The following ITIH5 variants were observed in gnomAD, a reference collection of about 807,000 sequenced individuals.
ITIH5 encodes the protein inter-alpha-trypsin inhibitor heavy chain 5.
Under a neutral mutation model 77.5 loss-of-function variants are expected in ITIH5, and 65 were observed. That is an observed-to-expected ratio of 0.84 (90% CI 0.69 to 1.03). The LOEUF (loss-of-function observed/expected upper bound fraction) is 1.03, where lower values mean the gene tolerates loss of function less well. ITIH5 is among the 50% of genes least tolerant of loss of function. The probability of loss-of-function intolerance (pLI) is 0.00; values close to 1 mark genes in which losing one functional copy is unlikely to be tolerated. For missense variants in ITIH5, 1,208 were observed against 1,213.1 expected, an observed-to-expected ratio of 1.00 and a Z score of 0.06; for synonymous variants, 525 against 494.3, an observed-to-expected ratio of 1.06 and a Z score of -0.82.
intron 13 of ITIH5, among the ~76,000 whole-genome samples, chr10:7,564,961 A>T (rs934032825): frequency 7.1e-6 from 1 of 140,800 alleles, no homozygotes; most frequent in Non-Finnish European, 1.5e-5. Context: ...GACTGTATAC[A>T]TACATATACA....
chr10:7,582,107 C>T lies in ITIH5; in HGVS notation c.1109-2043G>A, dbSNP rs371930465. ...GGCCAGGCTGGTCTTGATTTCCTGA[C>T]CTTGTGATCTGCCCGCCTCGGCCTC... On this transcript the variant is annotated intron_variant, in intron 8 of 13. Transcript: ENST00000397146. Among the ~76,000 whole-genome samples the T allele has an allele frequency of 4.6e-5, 7 of 152,110 alleles. No homozygotes were observed. The East Asian group carries it at 9.6e-4, about 21-fold the overall frequency.
In ITIH5 at chr10:7,569,534, C is replaced by T. The variant is rs116059372; in HGVS notation, c.2149+134G>A. The T allele has an allele frequency of 1.2e-3, 707 of 573,676 alleles. 5 individuals carry two copies. Among genetic ancestry groups the T allele is most frequent in the African/African-American group, 0.011 (566 of 53,608 alleles). The allele number at this position is 573,676 out of a possible 1,614,324, so 35.5% of individuals were successfully genotyped here. The stretch of plus-strand genomic sequence containing the variant: ...AAGTCCAGGAGCGCAGTGCGCTTCC[C>T]TTAACCACTGACGATACTCACTGAG... On this transcript the variant is annotated intron_variant, in intron 12 of 13. Coordinates refer to ENST00000397146, the MANE Select transcript of ITIH5 (RefSeq NM_030569.7).
At chr10:7,649,740 T>G (rs1332278425) in intron 2 of ITIH5, among the ~76,000 whole-genome samples, 1 of 152,098 alleles carries the variant, frequency 6.6e-6, no homozygotes, top group Non-Finnish European at 1.5e-5. Flanking sequence ...CCCAGATCAA[T>G]GACTAGAAAA....
Position 7,561,111 on chromosome 10 carries a change from T to C in ITIH5, c.*1972A>G, listed in dbSNP as rs147690462. The C allele has an allele frequency of 1.6e-3, 243 of 151,778 alleles. 1 individual carries two copies. Among genetic ancestry groups the C allele is most frequent in the African/African-American group, 5.6e-3 (232 of 41,376 alleles). 9.4% of individuals were successfully genotyped at this position (151,778 alleles called of 1,614,324 possible). On this transcript the variant is annotated 3_prime_UTR_variant, in exon 14 of 14. Coordinates refer to ENST00000397146, the MANE Select transcript of ITIH5 (RefSeq NM_030569.7). ...AAGGTGATATTTTTCTAAAGTAAAA[T>C]ATAATTTTTAAAAATGAAAGCTCAA...
rs143715495 is a variant in ITIH5 at position 7,603,311 on chromosome 10, T to C, written c.939+12671A>G. On this transcript the variant is annotated intron_variant, in intron 7 of 13. Transcript: ENST00000397146. ...GCCAGGCACAAAAGGCCGCACACTG[T>C]GTAACTCCATTTATACGAAATGTCT... is the stretch of plus-strand genomic sequence containing the variant. 6.5e-3 allele frequency among the ~76,000 whole-genome samples: 992 copies of C among 152,266 alleles called. 4 individuals are homozygous for C. Among genetic ancestry groups the C allele is most frequent in the South Asian group, 0.022 (104 of 4,824 alleles).
chr10:7,635,869 A>G (rs778439137), intron 5 of ITIH5, among the ~76,000 whole-genome samples: 5 of 152,180 alleles, frequency 3.3e-5, no homozygotes, highest in Non-Finnish European at 5.9e-5. Context: ...CCCTGGTCCA[A>G]GAAGACTTCC....
rs2130999314 is a variant in ITIH5, at chr10:7,597,500, T to C, written c.940-11431A>G. 2.6e-5 allele frequency among the ~76,000 whole-genome samples: 4 copies of C among 152,248 alleles called. No individual in the cohort carries two copies. The South Asian group carries it at 8.3e-4, about 32-fold the overall frequency. ...TCTGCCTTCCCAGCCTCAGATCTGT[T>C]GTCCCCTCTGTACCCCATAGACACC... is the stretch of plus-strand genomic sequence containing the variant. On this transcript the variant is annotated intron_variant, in intron 7 of 13. Coordinates refer to ENST00000397146, the MANE Select transcript of ITIH5 (RefSeq NM_030569.7).
At chr10:7,631,530 G>A (rs567362956) in intron 5 of ITIH5, among the ~76,000 whole-genome samples, 6 of 152,226 alleles carry the variant, frequency 3.9e-5, no homozygotes, top group African/African-American at 4.8e-5. Flanking sequence ...CTAATTTAAC[G>A]AGCTTAAGAC....
At chr10:7,615,016 G>A (rs745680819) in intron 7 of ITIH5, among the ~76,000 whole-genome samples, 1 of 152,188 alleles carries the variant, frequency 6.6e-6, no homozygotes, top group Non-Finnish European at 1.5e-5. Flanking sequence ...GGGAGGCCGA[G>A]ACAGGTGGAT....
Position 7,642,090 on chromosome 10 carries a change from T to C in ITIH5, c.136A>G (p.Lys46Glu). The change falls in exon 3 of 14, where the codon AAA (lysine) becomes GAA (glutamate). Residue 46 changes from lysine (K) to glutamate (E), a missense_variant and splice_region_variant. Lys to Glu is a moderately conservative substitution (Grantham distance 56, BLOSUM62 1). Transcript: ENST00000397146. ...PRQVRLLQRLKTKPLMTEFSV... is the reference protein window; with the variant it reads ...PRQVRLLQRLETKPLMTEFSV... Reference sequence around the variant, plus strand: ...AATTCTGTCATCAAAGGTTTGGTTTTCTGTAGGAATGAAAACACACAGTAT... The same window carrying C: ...AATTCTGTCATCAAAGGTTTGGTTTCCTGTAGGAATGAAAACACACAGTAT... 2.5e-6 allele frequency: 4 copies of C among 1,613,440 alleles called. No individual in the cohort carries two copies. Among genetic ancestry groups the C allele is most frequent in the Non-Finnish European group, 2.5e-6 (3 of 1,179,552 alleles).
chr10:7,649,634 T>G (rs1161926539), intron 2 of ITIH5, among the ~76,000 whole-genome samples: 1 of 152,172 alleles, frequency 6.6e-6, no homozygotes, highest in East Asian at 1.9e-4. Flanking sequence ...GAAAATGTTT[T>G]AAAACAGATG....
At chr10:7,572,066 A>G in intron 11 of ITIH5, 2 of 1,019,718 alleles carry the variant, frequency 2.0e-6, no homozygotes, top group Non-Finnish European at 1.2e-6. Context: ...AAAAGTCATT[A>G]CTCCAGGCAG....
At chr10:7,666,773 C>G (rs371271542) in intron 1 of ITIH5, 30 bp downstream of exon 1, 846 of 1,581,040 alleles carry the variant, frequency 5.4e-4, no homozygotes, top group Middle Eastern at 7.5e-4. Flanking sequence ...CGGCCGCGCC[C>G]GGGACCCGGC....
intron 5 of ITIH5, among the ~76,000 whole-genome samples, chr10:7,629,883 T>C (rs1411195328): frequency 1.3e-5 from 2 of 152,148 alleles, no homozygotes; most frequent in Admixed American, 1.3e-4. Flanking sequence ...CTGACTATAC[T>C]CTCTAGTAAC....
intron 5 of ITIH5, among the ~76,000 whole-genome samples, chr10:7,623,744 A>G (rs1833511946): frequency 6.9e-6 from 1 of 144,190 alleles, no homozygotes; most frequent in South Asian, 2.2e-4. Context: ...TGGAGCTCAC[A>G]GTGAGCCGAG....
At chr10:7,653,571 A>C (rs1834134613) in intron 2 of ITIH5, among the ~76,000 whole-genome samples, 2 of 152,212 alleles carry the variant, frequency 1.3e-5, no homozygotes, top group South Asian at 4.1e-4. Context: ...CACATAAAAG[A>C]AGAAATGAAA....
intron 11 of ITIH5, among the ~76,000 whole-genome samples, chr10:7,570,764 A>T (rs1832280699): frequency 6.6e-6 from 1 of 152,164 alleles, no homozygotes; most frequent in African/African-American, 2.4e-5. Flanking sequence ...CTGGGACTAC[A>T]GGCACGTGCC....
intron 7 of ITIH5, among the ~76,000 whole-genome samples, chr10:7,589,231 G>A (rs1197183719): frequency 6.6e-6 from 1 of 152,218 alleles, no homozygotes; most frequent in Non-Finnish European, 1.5e-5. Flanking sequence ...GCTGAGGCGG[G>A]CAAATCATTT....
intron 5 of ITIH5, among the ~76,000 whole-genome samples, chr10:7,636,354 A>G (rs1833798237): frequency 6.6e-6 from 1 of 152,218 alleles, no homozygotes; most frequent in Non-Finnish European, 1.5e-5. Context: ...CATTATTTAA[A>G]TTTAGAAAGA....
Sources: allele counts gnomAD v4.1 joint callset (sites outside exome capture counted in the v4.1 genomes callset), GRCh38; gene constraint gnomAD v4.1.1; transcripts MANE v1.5; gene names NCBI Gene and HGNC (gene_info 2026-07-23, HGNC 2026-07-21).